Variants in MGAT4C observed in about 807,000 individuals in gnomAD.
MGAT4C encodes the protein MGAT4 family member C.
In MGAT4C, 19 loss-of-function variants were observed where a neutral mutation model predicts 40.1. The observed-to-expected ratio is 0.47, with a 90% CI of 0.33 to 0.70. The LOEUF is 0.70. Among genes scored for constraint, MGAT4C ranks in the 30% least tolerant of loss-of-function variants. The pLI is 0.02. For missense variants in MGAT4C, 491 were observed against 563.2 expected (o/e 0.87, Z 1.30); for synonymous variants, 181 against 187.1 (o/e 0.97, Z 0.27).
intron 1 of MGAT4C, among the ~76,000 whole-genome samples, chr12:86,826,610 A>G (rs944320459): frequency 1.3e-5 from 2 of 151,488 alleles, no homozygotes; most frequent in African/African-American, 4.8e-5. Flanking sequence ...TTTTTTATCC[A>G]TAAGAATGTA....
chr12:86,223,227 G>A (rs774208287), intron 1 of MGAT4C, among the ~76,000 whole-genome samples: 3 of 152,294 alleles, frequency 2.0e-5, no homozygotes, highest in East Asian at 3.9e-4. Flanking sequence ...ACCAAGACAT[G>A]ACCAAACTGC....
At chr12:86,104,766 A>C (rs1409158755) in intron 1 of MGAT4C, among the ~76,000 whole-genome samples, 1 of 152,200 alleles carries the variant, frequency 6.6e-6, no homozygotes, top group South Asian at 2.1e-4. Flanking sequence ...TAACCTTTCC[A>C]TTAATGCAGA....
intron 1 of MGAT4C, among the ~76,000 whole-genome samples, chr12:86,119,892 T>A (rs1184460062): frequency 6.6e-6 from 1 of 151,902 alleles, no homozygotes; most frequent in Non-Finnish European, 1.5e-5. Flanking sequence ...TTAAAGTGAA[T>A]AAAACTGGGT....
chr12:86,408,761 C>T (rs778294841), intron 3 of MGAT4C, among the ~76,000 whole-genome samples: 12 of 151,544 alleles, frequency 7.9e-5, no homozygotes, highest in African/African-American at 2.4e-4. Flanking sequence ...ATAGATTGAT[C>T]TCATTATTTA....
chr12:86,519,408 T>C (rs1320285376), intron 2 of MGAT4C, among the ~76,000 whole-genome samples: 1 of 152,186 alleles, frequency 6.6e-6, no homozygotes, highest in African/African-American at 2.4e-5. Flanking sequence ...TCATTTATTT[T>C]GGATATATAC....
At chr12:86,527,053 G>C (rs1958897741) in intron 2 of MGAT4C, among the ~76,000 whole-genome samples, 1 of 152,112 alleles carries the variant, frequency 6.6e-6, no homozygotes, top group Non-Finnish European at 1.5e-5. Context: ...GTCCACTCTT[G>C]GTGCATTCCT....
chr12:86,369,964 T>C (rs1955684929), intron 3 of MGAT4C, among the ~76,000 whole-genome samples: 1 of 152,002 alleles, frequency 6.6e-6, no homozygotes, highest in Non-Finnish European at 1.5e-5. Flanking sequence ...TCCTTTTCTA[T>C]TTTTTTAGTC....
chr12:86,053,001 T>C (rs1893037931), intron 1 of MGAT4C, among the ~76,000 whole-genome samples: 1 of 151,946 alleles, frequency 6.6e-6, no homozygotes, highest in African/African-American at 2.4e-5. Flanking sequence ...TTTATTTATT[T>C]TACTGGAGTC....
chr12:86,611,635 T>G (rs1480311675), intron 2 of MGAT4C, among the ~76,000 whole-genome samples: 1 of 152,206 alleles, frequency 6.6e-6, no homozygotes, highest in Non-Finnish European at 1.5e-5. Context: ...CTCAGTTTTC[T>G]TCAATGTCAA....
At chr12:86,699,637 T>G (rs751938899) in intron 2 of MGAT4C, among the ~76,000 whole-genome samples, 11 of 152,074 alleles carry the variant, frequency 7.2e-5, no homozygotes, top group Non-Finnish European at 1.6e-4. Context: ...AACTTAATTA[T>G]TAATAGCCTA....
intron 2 of MGAT4C, among the ~76,000 whole-genome samples, chr12:86,592,534 C>T (rs896163049): frequency 6.6e-6 from 1 of 152,110 alleles, no homozygotes. Flanking sequence ...AATCCACTTC[C>T]TATAGGTTTC....
At chr12:86,479,781 G>T (rs536802172) in intron 2 of MGAT4C, among the ~76,000 whole-genome samples, 9 of 151,936 alleles carry the variant, frequency 5.9e-5, no homozygotes, top group African/African-American at 1.7e-4. Context: ...AGCTGCAATT[G>T]TTGGTAGGAT....
At chr12:86,493,392 C>T (rs1055536629) in intron 2 of MGAT4C, among the ~76,000 whole-genome samples, 29 of 151,978 alleles carry the variant, frequency 1.9e-4, no homozygotes, top group Non-Finnish European at 4.1e-4. Flanking sequence ...GACTTGGAAC[C>T]AACCCAAATG....
chr12:86,040,536 G>A (rs967176333), intron 2 of MGAT4C, among the ~76,000 whole-genome samples: 1 of 152,152 alleles, frequency 6.6e-6, no homozygotes, highest in African/African-American at 2.4e-5. Flanking sequence ...TGCACTGTGA[G>A]TGTAAAACTG....
At chr12:86,666,699 C>A (rs565401996) in intron 2 of MGAT4C, among the ~76,000 whole-genome samples, 1 of 152,192 alleles carries the variant, frequency 6.6e-6, no homozygotes, top group African/African-American at 2.4e-5. Flanking sequence ...TTTAAGAATA[C>A]CTTTGAGAAA....
intron 4 of MGAT4C, among the ~76,000 whole-genome samples, chr12:86,326,777 A>C (rs1467412653): frequency 1.1e-4 from 17 of 152,164 alleles, no homozygotes; most frequent in Admixed American, 1.1e-3. Flanking sequence ...CAGTGTGAAC[A>C]ATCAGAAATG....
chr12:86,532,471 C>T (rs1057466623), intron 2 of MGAT4C, among the ~76,000 whole-genome samples: 1 of 151,940 alleles, frequency 6.6e-6, no homozygotes, highest in Non-Finnish European at 1.5e-5. Flanking sequence ...AATTTGTACA[C>T]CACAGTAATT....
intron 3 of MGAT4C, among the ~76,000 whole-genome samples, chr12:86,354,934 T>C (rs1420731625): frequency 6.6e-6 from 1 of 152,198 alleles, no homozygotes; most frequent in Non-Finnish European, 1.5e-5. Flanking sequence ...TTCCACAGCA[T>C]GGACGAGAAC....
At chr12:86,783,584 A>G (rs1013250305) in intron 1 of MGAT4C, among the ~76,000 whole-genome samples, 15 of 152,156 alleles carry the variant, frequency 9.9e-5, no homozygotes, top group Non-Finnish European at 1.8e-4. Context: ...CATTATATGT[A>G]CAGTGCCTGA....
Sources: gnomAD v4.1 joint callset for allele counts (sites outside exome capture counted in the v4.1 genomes callset) on GRCh38, gnomAD v4.1.1 for gene constraint, MANE v1.5 for transcripts, NCBI Gene and HGNC (gene_info 2026-07-23, HGNC 2026-07-21) for gene names.